PIK3C2B: variants seen among roughly 807,000 people sequenced by gnomAD.
PIK3C2B encodes phosphatidylinositol 4-phosphate 3-kinase C2 domain-containing subunit beta.
Under a neutral mutation model 184.3 loss-of-function variants are expected in PIK3C2B, and 83 were observed. The ratio of observed to expected loss-of-function variants is 0.45; its 90% CI spans 0.38 to 0.54. PIK3C2B has a LOEUF of 0.54. Among genes scored for constraint, PIK3C2B ranks in the 20% least tolerant of loss-of-function variants. The probability of loss-of-function intolerance (pLI) is 0.00; values close to 1 mark genes in which losing one functional copy is unlikely to be tolerated. For missense variants in PIK3C2B, 1,736 were observed against 2,113.5 expected, an observed-to-expected ratio of 0.82 and a Z score of 3.50; for synonymous variants, 779 against 837.6, an observed-to-expected ratio of 0.93 and a Z score of 1.21.
chr1:204,491,034 C>T (rs908352776), intron 1 of PIK3C2B, among the ~76,000 whole-genome samples: 1 of 152,160 alleles, frequency 6.6e-6, no homozygotes, highest in Admixed American at 6.5e-5. Flanking sequence ...ATTATGCCTA[C>T]ATGCCCATGA....
intron 1 of PIK3C2B, among the ~76,000 whole-genome samples, chr1:204,474,836 C>T (rs1191007589): frequency 6.6e-6 from 1 of 152,094 alleles, no homozygotes; most frequent in East Asian, 1.9e-4. Context: ...TTCTTTCCTC[C>T]CCACAATCTG....
chr1:204,460,204 C>A, intron 7 of PIK3C2B, 120 bp downstream of exon 7: 1 of 804,176 alleles, frequency 1.2e-6, no homozygotes, highest in Non-Finnish European at 2.1e-6. Flanking sequence ...GATGTGTGGG[C>A]CCCAACCCCT....
Position 204,447,536 on chromosome 1 carries a change from G to T in PIK3C2B, c.2389C>A (p.Pro797Thr). The change falls in exon 15 of 33, where the codon CCC becomes ACC. Residue 797 changes from proline (P) to threonine (T), a missense_variant. Physicochemically the swap from Pro to Thr is conservative, Grantham distance 38. Coordinates refer to ENST00000684373, the MANE Select transcript of PIK3C2B (RefSeq NM_001377334.1). This position sits in a 1 kb window ranked among gnomAD's most constrained non-coding sequence, Gnocchi z 4.1. ...TSAFDIKFTS[P>T]PGDKFSPRYE... ...CGGGGGCTGAACTTGTCTCCAGGGGGGCTGGTGAACTTGATGTCAAAGGCC... is the reference window on the plus strand; with the variant it reads ...CGGGGGCTGAACTTGTCTCCAGGGGTGCTGGTGAACTTGATGTCAAAGGCC... The T allele has an allele frequency of 1.2e-6, 2 of 1,610,744 alleles. No individual in the cohort carries two copies. The highest frequency in any genetic ancestry group is 1.7e-6 in the Non-Finnish European group (2 of 1,177,554).
Position 204,446,056 on chromosome 1 carries a change from C to T in PIK3C2B, c.2578G>A (p.Ala860Thr), listed in dbSNP as rs751159224. The change falls in exon 16 of 33, where the codon GCC becomes ACC. Residue 860 changes from alanine (A) to threonine (T), a missense_variant. Ala to Thr is a moderately conservative substitution (Grantham distance 58, BLOSUM62 0). Transcript: ENST00000684373. ...AGGCAAGCCCACTCCCAGCTGGGGG[C>T]GCTGGCGAGCACCAGGGGGAGCGAG... ...VSSLPLVLASAPSWEWACLPD... is the reference protein window; with the variant it reads ...VSSLPLVLASTPSWEWACLPD... The T allele has an allele frequency of 5.0e-6, 8 of 1,600,630 alleles. No homozygotes were observed. The highest frequency in any genetic ancestry group is 3.4e-5 in the Admixed American group (2 of 59,258).
chr1:204,469,242 A>G lies in PIK3C2B; in HGVS notation c.561T>C (p.Ser187=). ...CGACCAAAGAGAAAGTGTTGATGTCACTGGGCTGGGAGATCTTGGAGGATG... is the reference window on the plus strand; with the variant it reads ...CGACCAAAGAGAAAGTGTTGATGTCGCTGGGCTGGGAGATCTTGGAGGATG... The part of the protein sequence containing the change: ...SPSSSKISQP[S]DINTFSLVEQ... The change falls in exon 2 of 33, where the codon AGT becomes AGC. Residue 187 remains serine, a synonymous_variant. Transcript: ENST00000684373. 1 of 1,588,742 alleles carries G rather than the reference A, an allele frequency of 6.3e-7. No individual in the cohort carries two copies. The highest frequency in any genetic ancestry group is 8.6e-7 in the Non-Finnish European group (1 of 1,165,058).
rs552017325 is a variant in PIK3C2B, at chr1:204,491,841, C to T, written c.-85+2515G>A. Among the ~76,000 whole-genome samples the T allele has an allele frequency of 2.6e-5, 4 of 152,326 alleles. No homozygotes were observed. The East Asian group carries it at 7.7e-4, about 29-fold the overall frequency. On this transcript the variant is annotated intron_variant, in intron 1 of 32. Transcript: ENST00000684373. ...TGACATCAGTGAGTGTTAGTGATTA[C>T]ATTACTTGCCAGCTCAGCATTATCC...
chr1:204,458,975 T>C (rs1655097463), intron 8 of PIK3C2B, among the ~76,000 whole-genome samples: 2 of 152,132 alleles, frequency 1.3e-5, no homozygotes. Flanking sequence ...AAAGGAAGCG[T>C]TTATGACTAC....
chr1:204,469,354 G>A lies in PIK3C2B; in HGVS notation c.449C>T (p.Ser150Phe). The change falls in exon 2 of 33, where the codon TCT becomes TTT. Residue 150 changes from serine to phenylalanine, a missense_variant. Ser to Phe is a radical substitution (Grantham distance 155). Coordinates refer to ENST00000684373, the MANE Select transcript of PIK3C2B (RefSeq NM_001377334.1). ...SSPGPGDIEG[S>F]CKKLSPPPLP... is the part of the protein sequence containing the mutation. ...AGGAGGTGGGGATAGTTTCTTGCAAGAGCCCTCTATGTCCCCTGGTCCTGG... is the reference window on the plus strand; with the variant it reads ...AGGAGGTGGGGATAGTTTCTTGCAAAAGCCCTCTATGTCCCCTGGTCCTGG... 6.5e-7 allele frequency: 1 copy of A among 1,527,408 alleles called. No homozygotes were observed. 94.6% of individuals were successfully genotyped at this position (1,527,408 alleles called of 1,614,324 possible). A position where few individuals can be genotyped will look rare whatever the true frequency, so the allele number is the denominator to read the frequency against.
Position 204,447,427 on chromosome 1 carries a change from G to C in PIK3C2B, c.2489+9C>G. On this transcript the variant is annotated intron_variant, in intron 15 of 32. Transcript: ENST00000684373. The surrounding 1 kb of genome is among the most constrained non-coding windows in gnomAD (Gnocchi z 4.1). The stretch of plus-strand genomic sequence containing the variant: ...AACATGACAGATTCAGTGGGGGCCC[G>C]GGTCTCACCAGTACAAGGACTCTTT... The C allele has an allele frequency of 1.2e-6, 2 of 1,611,040 alleles. No homozygotes were observed. Among genetic ancestry groups the C allele is most frequent in the Non-Finnish European group, 1.7e-6 (2 of 1,177,774 alleles).
Position 204,446,086 on chromosome 1 carries a change from C to A in PIK3C2B, c.2548G>T (p.Val850Leu). The A allele has an allele frequency of 6.3e-7, 1 of 1,596,376 alleles. No individual in the cohort carries two copies. The highest frequency in any genetic ancestry group is 8.6e-7 in the Non-Finnish European group (1 of 1,169,032). Residue 850 changes from valine (V) to leucine (L), a missense_variant, in exon 16 of 33, where the codon GTG (valine) becomes TTG (leucine). Coordinates refer to ENST00000684373, the MANE Select transcript of PIK3C2B (RefSeq NM_001377334.1). Reference protein sequence around the residue: ...WEKRYYCHSEVSSLPLVLASA... With the variant: ...WEKRYYCHSELSSLPLVLASA... ...GCGAGCACCAGGGGGAGCGAGCTCA[C>A]CTCCGAGTGGCAGTAATATCGCTTC...
intron 26 of PIK3C2B, 57 bp from the exon 27 acceptor site, chr1:204,432,458 G>C (rs758626570): frequency 1.9e-4 from 256 of 1,375,126 alleles, no homozygotes; most frequent in Non-Finnish European, 2.4e-4. Flanking sequence ...CTGCTGCCTC[G>C]ACAGGGGTGT....
chr1:204,462,779 C>T (rs1203536050), intron 5 of PIK3C2B, among the ~76,000 whole-genome samples: 1 of 152,206 alleles, frequency 6.6e-6, no homozygotes, highest in African/African-American at 2.4e-5. Context: ...GATAGCTGGG[C>T]ACAGTGGCTC....
At chr1:204,490,033 G>C in intron 1 of PIK3C2B, 2 of 397,452 alleles carry the variant, frequency 5.0e-6, no homozygotes, top group Non-Finnish European at 8.9e-6. Context: ...AATGAGCCAC[G>C]TGTGTGAAAC....
intron 3 of PIK3C2B, 80 bp from the exon 4 acceptor site, chr1:204,464,684 C>G: frequency 7.2e-7 from 1 of 1,390,178 alleles, no homozygotes; most frequent in East Asian, 2.3e-5. Flanking sequence ...ACCTCATGCT[C>G]TGAGGCTCAA....
chr1:204,442,694 C>T, intron 19 of PIK3C2B, 61 bp from the exon 20 acceptor site: 1 of 1,167,726 alleles, frequency 8.6e-7, no homozygotes, highest in South Asian at 1.3e-5. Context: ...GAGAACCAGA[C>T]CTCTCCCAGG....
intron 1 of PIK3C2B, among the ~76,000 whole-genome samples, chr1:204,472,365 G>A (rs946247387): frequency 3.3e-5 from 5 of 151,752 alleles, no homozygotes; most frequent in Admixed American, 1.3e-4. Context: ...GGGTTTCACC[G>A]TGTTAGCCAG....
At chr1:204,442,340 A>C (rs907542142) in intron 20 of PIK3C2B, among the ~76,000 whole-genome samples, 186 bp downstream of exon 20, 1 of 152,160 alleles carries the variant, frequency 6.6e-6, no homozygotes, top group African/African-American at 2.4e-5. Context: ...CATAATCCTC[A>C]CCATGTTGCA....
intron 1 of PIK3C2B, among the ~76,000 whole-genome samples, chr1:204,477,120 C>A (rs1241361206): frequency 6.6e-6 from 1 of 152,174 alleles, no homozygotes; most frequent in Non-Finnish European, 1.5e-5. Flanking sequence ...TGAGCACACC[C>A]ACAAAACTTA....
intron 31 of PIK3C2B, among the ~76,000 whole-genome samples, chr1:204,425,960 T>C (rs1674718943): frequency 6.6e-6 from 1 of 152,262 alleles, no homozygotes; most frequent in Non-Finnish European, 1.5e-5. Flanking sequence ...GGTTTGCCTA[T>C]GATATCAAGT....
Sources: allele counts gnomAD v4.1 joint callset (sites outside exome capture counted in the v4.1 genomes callset), GRCh38; gene constraint gnomAD v4.1.1; non-coding constraint Gnocchi (gnomAD v3.1); transcripts MANE v1.5; gene names NCBI Gene and HGNC (gene_info 2026-07-23, HGNC 2026-07-21).